Variants in CELA2A observed in about 807,000 individuals in gnomAD.
CELA2A encodes chymotrypsin like elastase 2A.
In CELA2A, 31 loss-of-function variants were observed where a neutral mutation model predicts 35.3. That is an observed-to-expected ratio of 0.88 (90% CI 0.66 to 1.19). The LOEUF (loss-of-function observed/expected upper bound fraction) is 1.19, where lower values mean the gene tolerates loss of function less well. Ranked by LOEUF, CELA2A falls within the 50% of genes most tolerant of loss-of-function variation. The pLI, the probability that CELA2A is intolerant of heterozygous loss-of-function variation, is 0.00. For synonymous variants in CELA2A, 150 were observed against 149.8 expected, an observed-to-expected ratio of 1.00 and a Z score of -0.01; for missense variants, 330 against 352.9, an observed-to-expected ratio of 0.94 and a Z score of 0.52.
chr1:15,460,313 G>A (rs1032891533), intron 2 of CELA2A, among the ~76,000 whole-genome samples: 1 of 151,846 alleles, frequency 6.6e-6, no homozygotes, highest in Non-Finnish European at 1.5e-5. Context: ...TTAAATTGGG[G>A]GGGGGGTACA....
chr1:15,459,903 G>T (rs911588934), intron 2 of CELA2A, among the ~76,000 whole-genome samples: 1 of 148,736 alleles, frequency 6.7e-6, no homozygotes, highest in African/African-American at 2.5e-5. Context: ...GATTGCTTGA[G>T]CCCAAGAGTT....
chr1:15,461,736 A>AC, intron 3 of CELA2A, 78 bp downstream of exon 3: 1 of 1,532,558 alleles, frequency 6.5e-7, no homozygotes, highest in Non-Finnish European at 9.0e-7. Flanking sequence ...AATGGCCTGA[A>AC]CCATGCTACA....
intron 1 of CELA2A, 21 bp from the exon 2 acceptor site, chr1:15,457,065 A>C: frequency 6.2e-7 from 1 of 1,610,414 alleles, no homozygotes. Context: ...TCCTGACTCA[A>C]GACCCTTTCT....
chr1:15,468,673 G>A (rs925222863), intron 7 of CELA2A, among the ~76,000 whole-genome samples: 10 of 152,034 alleles, frequency 6.6e-5, no homozygotes, highest in Non-Finnish European at 1.5e-4. Context: ...ACTCAGGCAC[G>A]GTGGTACATG....
chr1:15,457,025 A>T, intron 1 of CELA2A, 61 bp from the exon 2 acceptor site: 3 of 1,507,888 alleles, frequency 2.0e-6, no homozygotes, highest in Non-Finnish European at 2.8e-6. Flanking sequence ...ATGCGCAGCA[A>T]GTGTAGTTTA....
At chr1:15,462,925 A>T (rs527616408) in intron 4 of CELA2A, 64 bp downstream of exon 4, 1 of 1,609,178 alleles carries the variant, frequency 6.2e-7, no homozygotes, top group Non-Finnish European at 8.5e-7. Flanking sequence ...GGTCTCACAG[A>T]GGCAAGGGTC....
chr1:15,468,789 T>C (rs1708555021), intron 7 of CELA2A, among the ~76,000 whole-genome samples: 1 of 152,018 alleles, frequency 6.6e-6, no homozygotes, highest in South Asian at 2.1e-4. Context: ...CAAGACCCTG[T>C]CTCCAAAAAT....
intron 2 of CELA2A, among the ~76,000 whole-genome samples, chr1:15,458,177 T>C (rs530410140): frequency 6.6e-6 from 1 of 152,336 alleles, no homozygotes; most frequent in African/African-American, 2.4e-5. Context: ...AACTGTCTTT[T>C]TCATATAAGC....
intron 3 of CELA2A, chr1:15,462,140 GT>G (rs1472657127): frequency 2.1e-6 from 1 of 471,332 alleles, no homozygotes; most frequent in Non-Finnish European, 4.4e-6. Flanking sequence ...GTTCTGCAAC[GT>G]TGTTCACTTA....
In CELA2A at chr1:15,460,479, C is replaced by T. The variant is rs543943267; in HGVS notation, c.130-1082C>T. ...CCAACAAACAGGTCATCGTTCCCCACAGTTATAGGGAGCCCGATCAGAGCA... is the reference window on the plus strand; with the variant it reads ...CCAACAAACAGGTCATCGTTCCCCATAGTTATAGGGAGCCCGATCAGAGCA... On this transcript the variant is annotated intron_variant, in intron 2 of 7. Coordinates refer to ENST00000359621, the MANE Select transcript of CELA2A (RefSeq NM_033440.3). 7.9e-5 allele frequency among the ~76,000 whole-genome samples: 12 copies of T among 152,202 alleles called. 1 individual carries two copies. The South Asian group carries it at 2.3e-3, about 29-fold the overall frequency.
intron 7 of CELA2A, among the ~76,000 whole-genome samples, chr1:15,469,216 A>G (rs1184134227): frequency 3.9e-5 from 6 of 152,262 alleles, no homozygotes; most frequent in East Asian, 1.9e-4. Flanking sequence ...AGAGTTGCCC[A>G]TGAGAGGGCA....
At chr1:15,468,584 A>T (rs1013652700) in intron 7 of CELA2A, among the ~76,000 whole-genome samples, 2 of 152,178 alleles carry the variant, frequency 1.3e-5, no homozygotes, top group Non-Finnish European at 2.9e-5. Flanking sequence ...AGGAGGGAGG[A>T]TTGCTTGAGC....
chr1:15,462,071 TAGTA>T (rs1708442462), intron 3 of CELA2A: 1 of 478,330 alleles, frequency 2.1e-6, no homozygotes, highest in Non-Finnish European at 4.3e-6. Context: ...GCCTGGCACT[TAGTA>T]AGTGCTCAGT....
chr1:15,470,534 C>T (rs900305213), intron 7 of CELA2A, among the ~76,000 whole-genome samples: 2 of 151,606 alleles, frequency 1.3e-5, no homozygotes, highest in Non-Finnish European at 2.9e-5. Context: ...GTAAGAAGTC[C>T]CCCCTCATTT....
intron 7 of CELA2A, among the ~76,000 whole-genome samples, chr1:15,468,576 G>A: frequency 6.6e-6 from 1 of 151,972 alleles, no homozygotes; most frequent in East Asian, 1.9e-4. Flanking sequence ...GGAGGCCAAG[G>A]AGGGAGGATT....
intron 6 of CELA2A, among the ~76,000 whole-genome samples, chr1:15,466,931 C>T (rs1460273973): frequency 3.9e-5 from 6 of 152,144 alleles, no homozygotes; most frequent in Non-Finnish European, 5.9e-5. Flanking sequence ...GAGTTCCACA[C>T]GCCCTTCAGA....
chr1:15,470,012 C>T (rs1305032181), intron 7 of CELA2A, among the ~76,000 whole-genome samples: 2 of 152,154 alleles, frequency 1.3e-5, no homozygotes, highest in South Asian at 2.1e-4. Context: ...GGCCAGATCC[C>T]GAAGCATGGC....
chr1:15,463,147 G>A (rs896338751), intron 4 of CELA2A: 2 of 720,322 alleles, frequency 2.8e-6, no homozygotes, highest in Non-Finnish European at 4.5e-6. Context: ...CCAGGTCCTG[G>A]GGACACAGGG....
intron 4 of CELA2A, 29 bp from the exon 5 acceptor site, chr1:15,463,357 C>T (rs200387798): frequency 1.8e-4 from 290 of 1,612,682 alleles, no homozygotes; most frequent in East Asian, 4.9e-4. Flanking sequence ...TCAACCCGGT[C>T]CTCATGCTTC....
Sources: allele counts gnomAD v4.1 joint callset (sites outside exome capture counted in the v4.1 genomes callset), GRCh38; gene constraint gnomAD v4.1.1; transcripts MANE v1.5; gene names NCBI Gene and HGNC (gene_info 2026-07-23, HGNC 2026-07-21).